Variants in HCLS1 observed in about 807,000 individuals in gnomAD.
HCLS1 encodes hematopoietic cell-specific Lyn substrate 1.
Under a neutral mutation model 68.6 loss-of-function variants are expected in HCLS1, and 44 were observed. That is an observed-to-expected ratio of 0.64 (90% CI 0.50 to 0.82). HCLS1 has a LOEUF of 0.82. Ranked by LOEUF, HCLS1 falls within the 40% of genes least tolerant of loss-of-function variation. The pLI is 0.00. For missense variants in HCLS1, 602 were observed against 612.1 expected (o/e 0.98, Z 0.17); for synonymous variants, 217 against 225.8 (o/e 0.96, Z 0.35).
In HCLS1 at chr3:121,640,808, AGGGGAG is replaced by A. The variant is rs1560139717; in HGVS notation, c.454+2113_454+2118del. 1.1e-4 allele frequency among the ~76,000 whole-genome samples: 2 copies of A among 17,646 alleles called. 1 individual carries two copies. Among genetic ancestry groups the A allele is most frequent in the Non-Finnish European group, 2.1e-4 (2 of 9,562 alleles). The allele number at this position is 17,646 out of a possible 152,430, so 11.6% of individuals were successfully genotyped here. ...AGGGGAGGGGAGGGGAGGGGAGGGG[AGGGGAG>A]GGCAGGGGAGGGGAGGGGACGGGAG... On this transcript the variant is annotated intron_variant, in intron 6 of 13. Coordinates refer to ENST00000314583, the MANE Select transcript of HCLS1 (RefSeq NM_005335.6).
chr3:121,648,768 G>T (rs2107473656), intron 3 of HCLS1, among the ~76,000 whole-genome samples: 1 of 152,264 alleles, frequency 6.6e-6, no homozygotes, highest in South Asian at 2.1e-4. Flanking sequence ...TAGAAAGCTG[G>T]CTATGAACCA....
At chr3:121,648,614 C>T (rs143755492) in intron 3 of HCLS1, among the ~76,000 whole-genome samples, 2 of 152,346 alleles carry the variant, frequency 1.3e-5, no homozygotes, top group African/African-American at 4.8e-5. Context: ...GACAACCAGA[C>T]ACATTGGTTA....
chr3:121,634,059 A>C, intron 10 of HCLS1, 148 bp downstream of exon 10: 1 of 1,383,652 alleles, frequency 7.2e-7, no homozygotes, highest in South Asian at 1.5e-5. Context: ...AATTACAGTC[A>C]GACTGAAGTC....
intron 3 of HCLS1, among the ~76,000 whole-genome samples, chr3:121,651,092 G>A (rs1485219316): frequency 6.6e-6 from 1 of 152,124 alleles, no homozygotes. Context: ...CTGAGATCAT[G>A]TCACTGCACT....
At chr3:121,636,696 T>C (rs2049154218) in intron 7 of HCLS1, among the ~76,000 whole-genome samples, 1 of 151,628 alleles carries the variant, frequency 6.6e-6, no homozygotes, top group Non-Finnish European at 1.5e-5. Context: ...AAGATGGAAG[T>C]AGGGAAACAT....
rs1335481362 is a variant in HCLS1 at position 121,633,173 on chromosome 3, T to C, written c.904-2A>G. On this transcript the variant is annotated splice_acceptor_variant, in intron 10 of 13. Coordinates refer to ENST00000314583, the MANE Select transcript of HCLS1 (RefSeq NM_005335.6). LOFTEE classifies it high-confidence loss of function. The stretch of plus-strand genomic sequence containing the variant: ...AGGAGTCCCAACTGGAGGCCAGGCC[T>C]GTGGAAAATGAAGCATCTCTCAAGT... The C allele has an allele frequency of 1.3e-6, 2 of 1,585,586 alleles. No individual in the cohort carries two copies. The highest frequency in any genetic ancestry group is 8.6e-7 in the Non-Finnish European group (1 of 1,163,634).
chr3:121,650,341 G>A (rs571896492), intron 3 of HCLS1, among the ~76,000 whole-genome samples: 10 of 151,010 alleles, frequency 6.6e-5, no homozygotes, highest in Admixed American at 2.0e-4. Context: ...ATGTGAAAAT[G>A]TAAAGTCCTG....
rs746579032 is a variant in HCLS1, at chr3:121,642,986, A to G, written c.400-5T>C. The G allele has an allele frequency of 7.4e-6, 12 of 1,611,506 alleles. No individual in the cohort carries two copies. Among genetic ancestry groups the G allele is most frequent in the Non-Finnish European group, 1.0e-5 (12 of 1,177,838 alleles). ...ATAATCAAAGCCGACTGCTGACTAC[A>G]GAGAAGAGGAGACAGAATTGGTTAG... On this transcript the variant is annotated splice_region_variant and splice_polypyrimidine_tract_variant and intron_variant, in intron 5 of 13. Coordinates refer to ENST00000314583, the MANE Select transcript of HCLS1 (RefSeq NM_005335.6).
rs371555603 is a variant in HCLS1 at position 121,639,289 on chromosome 3, T to C, written c.455-2033A>G. On this transcript the variant is annotated intron_variant, in intron 6 of 13. Transcript: ENST00000314583. The stretch of plus-strand genomic sequence containing the variant: ...TCATGCATATAGAACATTGACCAAA[T>C]AGACCATGTGCCAGTCCATAAGTCT... Among the ~76,000 whole-genome samples, 168 of 152,264 alleles carry C rather than the reference T, an allele frequency of 1.1e-3. 3 individuals carry two copies. The South Asian group carries it at 0.021, about 19-fold the overall frequency.
At chr3:121,632,598 A>G (rs756033634) in intron 11 of HCLS1, 35 bp from the exon 12 acceptor site, 1 of 1,582,766 alleles carries the variant, frequency 6.3e-7, no homozygotes, top group Non-Finnish European at 8.6e-7. Flanking sequence ...TGTGACTTCC[A>G]CTTTCCAGGA....
rs754367904 is a variant in HCLS1 at position 121,644,797 on chromosome 3, GGAGA to G, written c.399+17_399+20del. On this transcript the variant is annotated intron_variant, in intron 5 of 13. Transcript: ENST00000314583. ...TCACAGGACTGGAGGTGGGTGGTTGGGAGAGAGAGTGGTCACTTACCTTGTCTGC... is the reference window on the plus strand; with the variant it reads ...TCACAGGACTGGAGGTGGGTGGTTGGGAGAGTGGTCACTTACCTTGTCTGC... 5.2e-6 allele frequency: 8 copies of G among 1,532,410 alleles called. No individual in the cohort carries two copies. Among genetic ancestry groups the G allele is most frequent in the African/African-American group, 4.1e-5 (3 of 73,464 alleles). The allele number at this position is 1,532,410 out of a possible 1,614,324, so 94.9% of individuals were successfully genotyped here. A position where few individuals can be genotyped will look rare whatever the true frequency, so the allele number is the denominator to read the frequency against.
intron 3 of HCLS1, chr3:121,655,554 C>G (rs971814038): frequency 7.8e-6 from 1 of 128,810 alleles, no homozygotes; most frequent in Non-Finnish European, 1.6e-5. Context: ...TAGCAATAAT[C>G]ACACCTCGGA....
At position 121,632,417 on chromosome 3, in the gene HCLS1, G is replaced by A. The variant is rs2049106644; in HGVS notation, c.1155C>T (p.Asp385=). 3 of 1,612,388 alleles carry A rather than the reference G, an allele frequency of 1.9e-6. No homozygotes were observed. Among genetic ancestry groups the A allele is most frequent in the Non-Finnish European group, 8.5e-7 (1 of 1,179,912 alleles). Reference sequence around the variant, plus strand: ...CTGGTTCATCCTCCTGCTCATGCCTGTCCATCTCCTCAACGTCCTCATAGT... The same window carrying A: ...CTGGTTCATCCTCCTGCTCATGCCTATCCATCTCCTCAACGTCCTCATAGT... ...ENDYEDVEEM[D]RHEQEDEPEG... Residue 385 remains aspartate, a synonymous_variant, in exon 12 of 14, where the codon GAC becomes GAT. Transcript: ENST00000314583.
At chr3:121,639,025 GCACACACACACACACA>G (rs368121558) in intron 6 of HCLS1, among the ~76,000 whole-genome samples, 3 of 137,144 alleles carry the variant, frequency 2.2e-5, no homozygotes, top group Admixed American at 7.3e-5. Flanking sequence ...ACACACACAC[GCACACACACACACACA>G]CACACACACA....
chr3:121,646,911 T>C (rs1174380335), intron 4 of HCLS1, among the ~76,000 whole-genome samples: 2 of 145,952 alleles, frequency 1.4e-5, no homozygotes, highest in African/African-American at 5.0e-5. Context: ...TATATAAGTA[T>C]ATAATTATAC....
In HCLS1 at chr3:121,639,021, A is replaced by ACG. The variant is rs200301832; in HGVS notation, c.455-1766_455-1765insCG. 9.4e-3 allele frequency among the ~76,000 whole-genome samples: 509 copies of ACG among 54,144 alleles called. 1 individual carries two copies. The highest frequency in any genetic ancestry group is 0.019 in the South Asian group (29 of 1,528). 35.5% of individuals were successfully genotyped at this position (54,144 alleles called of 152,430 possible). A position where few individuals can be genotyped will look rare whatever the true frequency, so the allele number is the denominator to read the frequency against. ...CATCGCAAGACTCCAACACACACAC[A>ACG]CACGCACACACACACACACACACAC... On this transcript the variant is annotated intron_variant, in intron 6 of 13. Coordinates refer to ENST00000314583, the MANE Select transcript of HCLS1 (RefSeq NM_005335.6).
chr3:121,645,603 T>C (rs1488709104), intron 4 of HCLS1, among the ~76,000 whole-genome samples: 1 of 152,068 alleles, frequency 6.6e-6, no homozygotes, highest in Non-Finnish European at 1.5e-5. Context: ...TACAATGTGG[T>C]TGGGGCTACA....
At position 121,633,108 on chromosome 3, in the gene HCLS1, GT is replaced by G; in HGVS notation, c.966del (p.Glu322AspfsTer133). ...CTAATGGGCAGCAAGGGCACTGGGTGTTCCCTGCTGGTTCTCACAGGCTCAG... is the reference window on the plus strand; with the variant it reads ...CTAATGGGCAGCAAGGGCACTGGGTGTCCCTGCTGGTTCTCACAGGCTCAG... Reference protein sequence around the residue: ...SESEPVRTSREHPVPLLPIRQ... With the variant: ...SESEPVRTSRXHPVPLLPIRQ... On this transcript the variant is annotated frameshift_variant, in exon 11 of 14. Coordinates refer to ENST00000314583, the MANE Select transcript of HCLS1 (RefSeq NM_005335.6). LOFTEE classifies it high-confidence loss of function. 1 of 1,613,374 alleles carries G rather than the reference GT, an allele frequency of 6.2e-7. No individual in the cohort carries two copies. Among genetic ancestry groups the G allele is most frequent in the Non-Finnish European group, 8.5e-7 (1 of 1,179,618 alleles).
At chr3:121,636,296 G>T (rs1041202285) in intron 8 of HCLS1, 138 bp downstream of exon 8, 28 of 709,428 alleles carry the variant, frequency 3.9e-5, no homozygotes, top group African/African-American at 1.9e-4. Context: ...AGTGGGGACT[G>T]CAGGACGCCA....
Sources: allele counts gnomAD v4.1 joint callset (sites outside exome capture counted in the v4.1 genomes callset), GRCh38; gene constraint gnomAD v4.1.1; transcripts MANE v1.5; gene names NCBI Gene and HGNC (gene_info 2026-07-23, HGNC 2026-07-21).